The following RASSF3 variants were observed in gnomAD, a reference collection of about 807,000 sequenced individuals.
RASSF3 encodes Ras association domain family member 3.
RASSF3 carries 19 observed loss-of-function variants against 19.9 expected under a neutral mutation model. That is an observed-to-expected ratio of 0.96 (90% CI 0.67 to 1.40). The LOEUF (loss-of-function observed/expected upper bound fraction) is 1.40, where lower values mean the gene tolerates loss of function less well. RASSF3 is among the 40% of genes most tolerant of loss of function. The probability of loss-of-function intolerance (pLI) is 0.00; values close to 1 mark genes in which losing one functional copy is unlikely to be tolerated. For synonymous variants in RASSF3, 110 were observed against 104.2 expected (o/e 1.06, Z -0.34); for missense variants, 306 against 289.8 (o/e 1.06, Z -0.41).
chr12:64,639,822 T>C, intron 1 of RASSF3, among the ~76,000 whole-genome samples: 1 of 152,210 alleles, frequency 6.6e-6, no homozygotes, highest in East Asian at 1.9e-4. Context: ...TATAGTTGCT[T>C]CTCCAAACAC....
chr12:64,662,546 G>A (rs1212270981), intron 1 of RASSF3, among the ~76,000 whole-genome samples: 1 of 152,098 alleles, frequency 6.6e-6, no homozygotes, highest in African/African-American at 2.4e-5. Flanking sequence ...TCCAGCCTGG[G>A]TGACAGATTG....
At chr12:64,547,424 G>A (rs1170093962) in intron 2 of RASSF3, among the ~76,000 whole-genome samples, 3 of 151,748 alleles carry the variant, frequency 2.0e-5, no homozygotes, top group Non-Finnish European at 4.4e-5. Context: ...AAAATTAACT[G>A]GGCGTGGTGG....
chr12:64,590,548 A>G (rs58736595), intron 2 of RASSF3, among the ~76,000 whole-genome samples: 2,674 of 152,302 alleles, frequency 0.018, 75 homozygotes, highest in African/African-American at 0.061. Flanking sequence ...GTAGTTTTAG[A>G]CTATTTATTA....
intron 1 of RASSF3, among the ~76,000 whole-genome samples, chr12:64,665,127 GAC>G (rs912152183): frequency 4.6e-5 from 7 of 152,148 alleles, no homozygotes; most frequent in African/African-American, 1.7e-4. Flanking sequence ...AAATCAGAAA[GAC>G]AGCGCAGTGG....
chr12:64,669,116 G>C (rs1015090456), intron 1 of RASSF3, among the ~76,000 whole-genome samples: 13 of 152,168 alleles, frequency 8.5e-5, no homozygotes, highest in Admixed American at 7.2e-4. Flanking sequence ...TATGTGTCCT[G>C]TTTAACCTCG....
downstream of RASSF3, among the ~76,000 whole-genome samples, chr12:64,543,417 C>CCGCTCCCCA (rs1868978155): frequency 3.0e-5 from 2 of 67,142 alleles, no homozygotes; most frequent in East Asian, 1.1e-3. Flanking sequence ...GTTTCCCGCC[C>CCGCTCCCCA]CCCGGCTCCC....
chr12:64,514,642 G>C (rs1176112020), intron 1 of RASSF3, among the ~76,000 whole-genome samples: 1 of 152,156 alleles, frequency 6.6e-6, no homozygotes, highest in Non-Finnish European at 1.5e-5. Context: ...CTGCACCTGG[G>C]TTGTAAATCA....
chr12:64,678,321 C>G (rs575887555), intron 1 of RASSF3, among the ~76,000 whole-genome samples: 1 of 152,166 alleles, frequency 6.6e-6, no homozygotes, highest in East Asian at 1.9e-4. Flanking sequence ...CCAAAAGAGA[C>G]GATGAGATGA....
rs201149315 is a variant in RASSF3 at position 64,621,897 on chromosome 12, C to G, written c.111+11154C>G. Among the ~76,000 whole-genome samples the G allele has an allele frequency of 9.2e-5, 14 of 152,236 alleles. No homozygotes were observed. In the East Asian group the frequency reaches 2.5e-3, roughly 27 times the overall value. ...CTAAGAAAGCATCACCATAAATAAA[C>G]CCGTGGGATTCAGAAGGTGGGGAGT... On this transcript the variant is annotated intron_variant, in intron 1 of 4. Transcript: ENST00000542104.
At chr12:64,616,626 A>G (rs1301760492) in intron 1 of RASSF3, among the ~76,000 whole-genome samples, 2 of 152,266 alleles carry the variant, frequency 1.3e-5, no homozygotes, top group Admixed American at 1.3e-4. Context: ...AGTAGGATAT[A>G]TGATAAATGC....
chr12:64,581,856 CT>C (rs576156131), intron 2 of RASSF3, among the ~76,000 whole-genome samples: 25 of 143,810 alleles, frequency 1.7e-4, no homozygotes, highest in Admixed American at 3.5e-4. Context: ...AGAGATTGAC[CT>C]TTTTTTTTTG....
chr12:64,646,264 A>C (rs1565859865), intron 1 of RASSF3, among the ~76,000 whole-genome samples: 1 of 152,212 alleles, frequency 6.6e-6, no homozygotes. Flanking sequence ...GAGTAGGTGT[A>C]TCATTGGCTT....
At chr12:64,592,492 G>C (rs1224212232) in intron 2 of RASSF3, among the ~76,000 whole-genome samples, 1 of 152,056 alleles carries the variant, frequency 6.6e-6, no homozygotes, top group African/African-American at 2.4e-5. Context: ...TTTCCTACAA[G>C]AGGAAATGCA....
intron 1 of RASSF3, among the ~76,000 whole-genome samples, chr12:64,653,860 TTAACAGCTCTC>T (rs1159185134): frequency 4.6e-5 from 7 of 152,116 alleles, no homozygotes; most frequent in African/African-American, 1.7e-4. Context: ...AACGGTGTCT[TTAACAGCTCTC>T]CAGTAGTGTA....
intron 2 of RASSF3, among the ~76,000 whole-genome samples, chr12:64,598,153 A>G (rs1282962353): frequency 6.6e-6 from 1 of 152,182 alleles, no homozygotes; most frequent in Non-Finnish European, 1.5e-5. Context: ...TCCTGACCTC[A>G]AGTGACTTGC....
chr12:64,610,187 G>A (rs561165728), upstream of RASSF3, among the ~76,000 whole-genome samples: 7 of 152,240 alleles, frequency 4.6e-5, no homozygotes, highest in South Asian at 1.2e-3. Context: ...GCGGGCGGAC[G>A]GCTCGCAGAG....
At chr12:64,621,500 G>A (rs1306556092) in intron 1 of RASSF3, among the ~76,000 whole-genome samples, 1 of 151,992 alleles carries the variant, frequency 6.6e-6, no homozygotes, top group African/African-American at 2.4e-5. Flanking sequence ...TTTTTAAGAT[G>A]GAGTTTCGGT....
rs544897201 is a variant in RASSF3 at position 64,585,030 on chromosome 12, C to T, written c.294+43325C>T. Among the ~76,000 whole-genome samples, 567 of 151,558 alleles carry T rather than the reference C, an allele frequency of 3.7e-3. 3 individuals carry two copies. Among genetic ancestry groups the T allele is most frequent in the African/African-American group, 0.013 (521 of 41,262 alleles). On this transcript the variant is annotated intron_variant, in intron 2 of 5. Coordinates refer to the RASSF3 transcript ENST00000637125. ...CCTCCTGAGTAGCTGGGACTACAGG[C>T]GCATGCCACCATGCCCAGCTAATAT...
At chr12:64,670,544 CT>C (rs34897392) in intron 1 of RASSF3, among the ~76,000 whole-genome samples, 50,498 of 131,098 alleles carry the variant, frequency 0.39, 8,557 homozygotes, top group Middle Eastern at 0.48. Context: ...CTCTCTCTCT[CT>C]TTTTTTTTTT....
Sources: gnomAD v4.1 joint callset for allele counts (sites outside exome capture counted in the v4.1 genomes callset) on GRCh38, gnomAD v4.1.1 for gene constraint, MANE v1.5 for transcripts, NCBI Gene and HGNC (gene_info 2026-07-23, HGNC 2026-07-21) for gene names.